The following ZNF275 variants were observed in gnomAD, a reference collection of about 807,000 sequenced individuals.
The protein encoded by ZNF275 is zinc finger protein 275.
ZNF275 carries 4 observed loss-of-function variants against 4.3 expected under a neutral mutation model. That is an observed-to-expected ratio of 0.93 (90% CI 0.46 to 2.13). The LOEUF (loss-of-function observed/expected upper bound fraction) is 2.13. Among genes scored for constraint, ZNF275 ranks in the 30% most tolerant of loss-of-function variants. The pLI is 0.02. For synonymous variants in ZNF275, 173 were observed against 166.9 expected (o/e 1.04, Z -0.28); for missense variants, 352 against 397.1 (o/e 0.89, Z 0.97).
intron 2 of ZNF275, among the ~76,000 whole-genome samples, chrX:153,341,716 T>G (rs1167638476): frequency 1.8e-5 from 2 of 112,667 alleles, no homozygotes; most frequent in Non-Finnish European, 3.7e-5. Context: ...GAATATAGAA[T>G]TCTAAGTTGA....
chrX:153,347,281 A>C lies in ZNF275; in HGVS notation c.596A>C (p.His199Pro). Reference protein sequence around the residue: ...RFKKNAGLSQHLRVHSREKPF... With the variant: ...RFKKNAGLSQPLRVHSREKPF... Reference sequence around the variant, plus strand: ...AAGAAGAATGCAGGCCTGAGTCAGCATCTGAGGGTCCACAGCAGAGAGAAG... The same window carrying C: ...AAGAAGAATGCAGGCCTGAGTCAGCCTCTGAGGGTCCACAGCAGAGAGAAG... The change falls in exon 4 of 4, where the codon CAT (histidine) becomes CCT (proline). Residue 199 changes from histidine (H) to proline (P), a missense_variant. Coordinates refer to ENST00000650114, the MANE Select transcript of ZNF275 (RefSeq NM_001367757.1). 1 of 1,212,048 alleles carries C rather than the reference A, an allele frequency of 8.3e-7. No individual in the cohort carries two copies.
At chrX:153,338,240 CT>C (rs2088458488) in intron 2 of ZNF275, among the ~76,000 whole-genome samples, 1 of 111,697 alleles carries the variant, frequency 9.0e-6, no homozygotes, top group Admixed American at 9.4e-5. Context: ...AATGTGTTAT[CT>C]TTTTTTAATG....
intron 2 of ZNF275, among the ~76,000 whole-genome samples, chrX:153,340,774 T>C (rs1569527893): frequency 8.9e-6 from 1 of 112,200 alleles, no homozygotes; most frequent in Non-Finnish European, 1.9e-5. Context: ...AAATATATAC[T>C]TAGCCATCTC....
chrX:153,336,164 A>C (rs2088444600), intron 1 of ZNF275, among the ~76,000 whole-genome samples: 1 of 112,841 alleles, frequency 8.9e-6, no homozygotes, highest in Admixed American at 9.3e-5. Flanking sequence ...GAAAGGAAAT[A>C]AGATAGAAAC....
chrX:153,343,335 G>T (rs1264637474), intron 2 of ZNF275: 1 of 306,453 alleles, frequency 3.3e-6, no homozygotes, highest in Non-Finnish European at 6.2e-6. Flanking sequence ...GAATTGAATT[G>T]AATTGTCATC....
intron 2 of ZNF275, chrX:153,343,355 A>G (rs2088490980): frequency 3.0e-6 from 1 of 329,261 alleles, no homozygotes; most frequent in African/African-American, 2.6e-5. Flanking sequence ...CACAACAGGA[A>G]CTGTGTAGCT....
Position 153,347,387 on chromosome X carries a change from A to G in ZNF275, c.702A>G (p.Glu234=). Residue 234 remains glutamate, a synonymous_variant, in exon 4 of 4, where the codon GAA becomes GAG. Coordinates refer to ENST00000650114, the MANE Select transcript of ZNF275 (RefSeq NM_001367757.1). The stretch of plus-strand genomic sequence containing the variant: ...GACATCAGAAACTTCACACTTCGGA[A>G]AAGCCTTTCGCCTGCAAGGCGTGCA... The part of the protein sequence containing the change: ...LFRHQKLHTS[E]KPFACKACSR... 1 of 1,212,272 alleles carries G rather than the reference A, an allele frequency of 8.2e-7. No homozygotes were observed. Among genetic ancestry groups the G allele is most frequent in the East Asian group, 3.0e-5 (1 of 33,841 alleles).
intron 2 of ZNF275, among the ~76,000 whole-genome samples, chrX:153,337,097 C>A (rs943587215): frequency 9.0e-6 from 1 of 111,211 alleles, no homozygotes; most frequent in Non-Finnish European, 1.9e-5. Flanking sequence ...AGCTTTAGGG[C>A]CTGAGGACAT....
At position 153,345,571 on chromosome X, in the gene ZNF275, T is replaced by G. The variant is rs1556961453; in HGVS notation, c.83T>G (p.Val28Gly). ...ALVPHLAQGQ[V>G]LLVSDPSPNT... ...GTCCCTCACCTGGCACAAGGACAAG[T>G]GCTACTGGTGTCAGACCCATCGCCC... The change falls in exon 3 of 4, where the codon GTG (valine) becomes GGG (glycine). Residue 28 changes from valine (V) to glycine (G), a missense_variant. By Grantham distance (109) the Val-to-Gly change is moderately radical (BLOSUM62 -3). Transcript: ENST00000650114. 8.3e-7 allele frequency: 1 copy of G among 1,211,172 alleles called. No individual in the cohort carries two copies. Among genetic ancestry groups the G allele is most frequent in the East Asian group, 3.0e-5 (1 of 33,821 alleles).
Position 153,338,831 on chromosome X carries a change from T to C in ZNF275, c.31+2121T>C, listed in dbSNP as rs114236016. Among the ~76,000 whole-genome samples the C allele has an allele frequency of 8.7e-3, 954 of 109,983 alleles. 13 individuals are homozygous for C. Among genetic ancestry groups the C allele is most frequent in the African/African-American group, 0.03 (913 of 30,254 alleles). On this transcript the variant is annotated intron_variant, in intron 2 of 3. Coordinates refer to ENST00000650114, the MANE Select transcript of ZNF275 (RefSeq NM_001367757.1). ...GCACCCAAACACCCATATATACCAT[T>C]AGGCCTAGATGACACTAAGCCTCAC...
intron 1 of ZNF275, among the ~76,000 whole-genome samples, chrX:153,334,878 G>T (rs2088434847): frequency 9.4e-6 from 1 of 106,776 alleles, no homozygotes; most frequent in South Asian, 4.3e-4. Context: ...GAGTGGGGGG[G>T]GGCGGTTAAG....
Position 153,347,347 on chromosome X carries a change from A to T in ZNF275, c.662A>T (p.Asn221Ile). 8.3e-7 allele frequency: 1 copy of T among 1,212,117 alleles called. No individual in the cohort carries two copies. Among genetic ancestry groups the T allele is most frequent in the Middle Eastern group, 2.3e-4 (1 of 4,356 alleles). The part of the protein sequence containing the change: ...CEECGRSFKV[N>I]THLFRHQKLH... ...GAATGCGGGCGGTCGTTCAAAGTCA[A>T]CACCCACCTCTTCCGACATCAGAAA... is the stretch of plus-strand genomic sequence containing the variant. The change falls in exon 4 of 4, where the codon AAC becomes ATC. Residue 221 changes from asparagine to isoleucine, a missense_variant. Physicochemically the swap from Asn to Ile is moderately radical, Grantham distance 149 (BLOSUM62 -3). Transcript: ENST00000650114.
Position 153,345,608 on chromosome X carries a change from T to C in ZNF275, c.120T>C (p.Pro40=). ...CAGACCCATCGCCCAACACTGATCCTGCTAAGTACTCTGGTGAGTGAAAAA... is the reference window on the plus strand; with the variant it reads ...CAGACCCATCGCCCAACACTGATCCCGCTAAGTACTCTGGTGAGTGAAAAA... The part of the protein sequence containing the change: ...LVSDPSPNTD[P]AKYSESTSAT... Residue 40 remains proline (P), a synonymous_variant, in exon 3 of 4, where the codon CCT becomes CCC. Transcript: ENST00000650114. 1 of 1,205,896 alleles carries C rather than the reference T, an allele frequency of 8.3e-7. No homozygotes were observed. Among genetic ancestry groups the C allele is most frequent in the Non-Finnish European group, 1.1e-6 (1 of 890,455 alleles).
At chrX:153,343,401 T>C (rs2088491318) in intron 2 of ZNF275, 1 of 354,423 alleles carries the variant, frequency 2.8e-6, no homozygotes, top group Non-Finnish European at 5.5e-6. Flanking sequence ...AGGCCTGTGA[T>C]GCACGGATGC....
At position 153,348,983 on chromosome X, in the gene ZNF275, T is replaced by G. The variant is rs1216765819; in HGVS notation, c.*1008T>G. On this transcript the variant is annotated 3_prime_UTR_variant, in exon 4 of 4. Coordinates refer to ENST00000650114, the MANE Select transcript of ZNF275 (RefSeq NM_001367757.1). The stretch of plus-strand genomic sequence containing the variant: ...ATCCAAAACTAGCATCGATTGGGGT[T>G]GTTTTGAACTAATGGGTCTTGTCCT... 4.1e-5 allele frequency: 5 copies of G among 123,355 alleles called. No homozygotes were observed. The highest frequency in any genetic ancestry group is 9.4e-5 in the Non-Finnish European group (5 of 53,324). The allele number at this position is 123,355 out of a possible 1,213,427, so 10.2% of individuals were successfully genotyped here. A position where few individuals can be genotyped will look rare whatever the true frequency, so the allele number is the denominator to read the frequency against.
chrX:153,342,451 C>G (rs1411332033), intron 2 of ZNF275, among the ~76,000 whole-genome samples: 1 of 112,168 alleles, frequency 8.9e-6, no homozygotes, highest in Non-Finnish European at 1.9e-5. Flanking sequence ...TTTGGCGTTT[C>G]AGTAACTTCT....
At chrX:153,336,831 T>C (rs1602821138) in intron 2 of ZNF275, 121 bp downstream of exon 2, 2 of 697,007 alleles carry the variant, frequency 2.9e-6, no homozygotes, top group South Asian at 2.7e-5. Flanking sequence ...GAAGCACTTA[T>C]ATTTTCATCT....
chrX:153,347,871 C>T lies in ZNF275; in HGVS notation c.1186C>T (p.Arg396Trp), dbSNP rs782081441. The change falls in exon 4 of 4, where the codon CGG becomes TGG. Residue 396 changes from arginine to tryptophan, a missense_variant. By Grantham distance (101) the Arg-to-Trp change is moderately radical (BLOSUM62 -3). Coordinates refer to ENST00000650114, the MANE Select transcript of ZNF275 (RefSeq NM_001367757.1). The stretch of plus-strand genomic sequence containing the variant: ...CCGGAGCTCCGGCCTCAGTCGCCAC[C>T]GGCGGATCCACAGTGGGGCGCGGCG... ...FRRSSGLSRH[R>W]RIHSGARRCE... 8 of 1,202,120 alleles carry T rather than the reference C, an allele frequency of 6.7e-6. No individual in the cohort carries two copies. The highest frequency in any genetic ancestry group is 3.0e-5 in the East Asian group (1 of 33,389).
rs1238715326 is a variant in ZNF275 at position 153,345,606 on chromosome X, C to T, written c.118C>T (p.Pro40Ser). 5.8e-6 allele frequency: 7 copies of T among 1,205,897 alleles called. No homozygotes were observed. The highest frequency in any genetic ancestry group is 6.7e-6 in the Non-Finnish European group (6 of 891,306). ...GTCAGACCCATCGCCCAACACTGAT[C>T]CTGCTAAGTACTCTGGTGAGTGAAA... ...LVSDPSPNTD[P>S]AKYSESTSAT... The change falls in exon 3 of 4, where the codon CCT (proline) becomes TCT (serine). Residue 40 changes from proline (P) to serine (S), a missense_variant. Pro to Ser is a moderately conservative substitution (Grantham distance 74). Coordinates refer to ENST00000650114, the MANE Select transcript of ZNF275 (RefSeq NM_001367757.1).
Sources: allele counts gnomAD v4.1 joint callset (sites outside exome capture counted in the v4.1 genomes callset), GRCh38; gene constraint gnomAD v4.1.1; transcripts MANE v1.5; gene names NCBI Gene and HGNC (gene_info 2026-07-23, HGNC 2026-07-21).